Variants in TMEM45A observed in about 807,000 individuals in gnomAD.
TMEM45A encodes transmembrane protein 45A.
In TMEM45A, 25 loss-of-function variants were observed where a neutral mutation model predicts 32.0. That is an observed-to-expected ratio of 0.78 (90% CI 0.57 to 1.09). The LOEUF is 1.09. TMEM45A is among the 50% of genes least tolerant of loss of function. TMEM45A has a pLI of 0.00. For missense variants in TMEM45A, 302 were observed against 325.0 expected (o/e 0.93, Z 0.54); for synonymous variants, 122 against 114.8 (o/e 1.06, Z -0.40).
intron 1 of TMEM45A, among the ~76,000 whole-genome samples, chr3:100,532,347 A>G (rs1705661740): frequency 6.6e-6 from 1 of 152,186 alleles, no homozygotes; most frequent in Non-Finnish European, 1.5e-5. Context: ...CTTAGGCTGT[A>G]CCTACACATT....
chr3:100,556,177 C>T (rs1706218217), intron 2 of TMEM45A, among the ~76,000 whole-genome samples: 2 of 152,158 alleles, frequency 1.3e-5, no homozygotes, highest in South Asian at 4.1e-4. Context: ...GATGGGGTTC[C>T]ACCATGTTGG....
intron 1 of TMEM45A, among the ~76,000 whole-genome samples, chr3:100,510,703 T>A (rs868708463): frequency 6.6e-6 from 1 of 151,868 alleles, no homozygotes; most frequent in Non-Finnish European, 1.5e-5. Flanking sequence ...CAAACCAAAG[T>A]CAAAGAAGTT....
At chr3:100,550,300 A>C (rs1365736010) in intron 1 of TMEM45A, among the ~76,000 whole-genome samples, 1 of 152,182 alleles carries the variant, frequency 6.6e-6, no homozygotes, top group African/African-American at 2.4e-5. Context: ...AGACTCATTC[A>C]AAACCAATGA....
intron 5 of TMEM45A, 21 bp downstream of exon 5, chr3:100,568,988 A>C: frequency 1.2e-6 from 2 of 1,603,766 alleles, no homozygotes; most frequent in Non-Finnish European, 1.7e-6. Flanking sequence ...GATTTCTGTT[A>C]ATGGAAGTTC....
chr3:100,513,962 C>T lies in TMEM45A; in HGVS notation c.-4+21034C>T, dbSNP rs1474483948. Among the ~76,000 whole-genome samples the T allele has an allele frequency of 2.0e-5, 3 of 151,964 alleles. No individual in the cohort carries two copies. The East Asian group carries it at 5.8e-4, about 29-fold the overall frequency. On this transcript the variant is annotated intron_variant, in intron 1 of 5. Transcript: ENST00000323523. ...TCAAGGAGAACTACAAACCACTGCT[C>T]AAGGAAATAAAAGAGGATACAAACA...
intron 1 of TMEM45A, among the ~76,000 whole-genome samples, chr3:100,506,243 G>C (rs1019387946): frequency 1.3e-5 from 2 of 152,174 alleles, no homozygotes; most frequent in Non-Finnish European, 2.9e-5. Flanking sequence ...TAGCAGTCTA[G>C]AGCACTGCTC....
At chr3:100,573,056 T>C (rs1432255458) in intron 5 of TMEM45A, 1 of 151,318 alleles carries the variant, frequency 6.6e-6, no homozygotes, top group East Asian at 1.9e-4. Context: ...CTTTGTTCTT[T>C]TGGCTTAGGA....
At chr3:100,537,506 T>C (rs552056997) in intron 1 of TMEM45A, among the ~76,000 whole-genome samples, 14 of 152,054 alleles carry the variant, frequency 9.2e-5, no homozygotes, top group Non-Finnish European at 1.3e-4. Flanking sequence ...TATCTAGGAG[T>C]GGCTTTCCTT....
chr3:100,537,675 C>T (rs557357555), intron 1 of TMEM45A, among the ~76,000 whole-genome samples: 1 of 152,166 alleles, frequency 6.6e-6, no homozygotes, highest in East Asian at 1.9e-4. Context: ...GAAGGCGAGG[C>T]CATAAGAACA....
chr3:100,545,138 T>C (rs1435787721), intron 1 of TMEM45A, among the ~76,000 whole-genome samples: 2 of 152,242 alleles, frequency 1.3e-5, no homozygotes, highest in Non-Finnish European at 2.9e-5. Flanking sequence ...TAAGTTTTGA[T>C]GTGGTCAACT....
intron 1 of TMEM45A, among the ~76,000 whole-genome samples, chr3:100,533,244 G>GA (rs961532266): frequency 2.7e-4 from 39 of 146,316 alleles, no homozygotes; most frequent in African/African-American, 8.0e-4. Context: ...TCTTACAAAA[G>GA]AAAAAAAAAA....
At chr3:100,539,120 C>T (rs1412513833) in intron 1 of TMEM45A, among the ~76,000 whole-genome samples, 1 of 152,088 alleles carries the variant, frequency 6.6e-6, no homozygotes, top group Non-Finnish European at 1.5e-5. Context: ...TATGGACAGA[C>T]AAAGGACCCA....
At chr3:100,571,200 C>G (rs1362157521) in intron 5 of TMEM45A, 1 of 152,122 alleles carries the variant, frequency 6.6e-6, no homozygotes, top group Non-Finnish European at 1.5e-5. Flanking sequence ...GATAGACCTT[C>G]CCTCCACAAT....
At chr3:100,559,856 T>G (rs1425173763) in intron 4 of TMEM45A, among the ~76,000 whole-genome samples, 1 of 151,820 alleles carries the variant, frequency 6.6e-6, no homozygotes, top group Admixed American at 6.6e-5. Flanking sequence ...TTTTCAAAAA[T>G]AAATTTAAAC....
intron 4 of TMEM45A, among the ~76,000 whole-genome samples, chr3:100,559,077 A>G (rs1404110922): frequency 1.3e-5 from 2 of 152,236 alleles, no homozygotes; most frequent in Non-Finnish European, 2.9e-5. Flanking sequence ...ACCAAGTCTC[A>G]TACAATAACA....
At chr3:100,576,393 T>G (rs1706686525) in intron 5 of TMEM45A, among the ~76,000 whole-genome samples, 1 of 152,036 alleles carries the variant, frequency 6.6e-6, no homozygotes, top group Non-Finnish European at 1.5e-5. Flanking sequence ...GAGGTTGCAG[T>G]GAGCTGAGAT....
chr3:100,522,389 T>G (rs1374952717), intron 1 of TMEM45A, among the ~76,000 whole-genome samples: 2 of 152,212 alleles, frequency 1.3e-5, no homozygotes, highest in Non-Finnish European at 2.9e-5. Context: ...TTATTTTCAA[T>G]GGTGCAAGGC....
chr3:100,557,064 A>C, intron 3 of TMEM45A, 92 bp downstream of exon 3: 1 of 1,388,660 alleles, frequency 7.2e-7, no homozygotes, highest in Non-Finnish European at 1.0e-6. Flanking sequence ...ATCTTGTTGC[A>C]GCCTTGATTG....
chr3:100,501,888 G>A (rs1464116305), intron 1 of TMEM45A, among the ~76,000 whole-genome samples: 2 of 151,946 alleles, frequency 1.3e-5, no homozygotes, highest in African/African-American at 2.4e-5. Context: ...TGTCTATCTC[G>A]GACTCAGAGT....
Sources: allele counts gnomAD v4.1 joint callset (sites outside exome capture counted in the v4.1 genomes callset), GRCh38; gene constraint gnomAD v4.1.1; transcripts MANE v1.5; gene names NCBI Gene and HGNC (gene_info 2026-07-23, HGNC 2026-07-21).